Variants in CDH18 observed in about 807,000 individuals in gnomAD.
The protein encoded by CDH18 is cadherin 18, also known as cadherin-18.
A neutral mutation model predicts 67.9 loss-of-function variants in CDH18; 31 were observed. That is an observed-to-expected ratio of 0.46 (90% CI 0.34 to 0.62). The LOEUF (loss-of-function observed/expected upper bound fraction) is 0.62. Ranked by LOEUF, CDH18 falls within the 20% of genes least tolerant of loss-of-function variation. The pLI is 0.01. For synonymous variants in CDH18, 362 were observed against 347.2 expected (o/e 1.04, Z -0.48); for missense variants, 890 against 975.5 (o/e 0.91, Z 1.17).
chr5:19,872,819 C>T (rs1315710832), intron 2 of CDH18, among the ~76,000 whole-genome samples: 1 of 152,104 alleles, frequency 6.6e-6, no homozygotes, highest in Non-Finnish European at 1.5e-5. Flanking sequence ...TTAATATATG[C>T]CCAATCCCTC....
intron 8 of CDH18, among the ~76,000 whole-genome samples, chr5:19,553,237 C>G (rs1376891929): frequency 6.6e-6 from 1 of 152,040 alleles, no homozygotes; most frequent in Non-Finnish European, 1.5e-5. Flanking sequence ...ATTTCAATAA[C>G]AGCTCTTCAG....
intron 2 of CDH18, among the ~76,000 whole-genome samples, chr5:19,965,272 A>G (rs1797314117): frequency 6.6e-6 from 1 of 152,206 alleles, no homozygotes; most frequent in Non-Finnish European, 1.5e-5. Flanking sequence ...CTGGAAATGT[A>G]TAATAAACAT....
chr5:20,113,945 T>G (rs999275373), intron 2 of CDH18, among the ~76,000 whole-genome samples: 1 of 152,236 alleles, frequency 6.6e-6, no homozygotes, highest in Non-Finnish European at 1.5e-5. Flanking sequence ...TTGTGATTCC[T>G]TCATTCTTTA....
At chr5:19,669,432 A>G (rs2150344349) in intron 5 of CDH18, among the ~76,000 whole-genome samples, 1 of 151,848 alleles carries the variant, frequency 6.6e-6, no homozygotes, top group Admixed American at 6.6e-5. Context: ...AGCTGGGATT[A>G]CAGGCACATG....
At chr5:20,390,505 T>C (rs1470683307) in intron 1 of CDH18, among the ~76,000 whole-genome samples, 3 of 152,146 alleles carry the variant, frequency 2.0e-5, no homozygotes, top group Non-Finnish European at 1.5e-5. Flanking sequence ...CTGGAGAGGA[T>C]GTGGAGAAAT....
intron 3 of CDH18, among the ~76,000 whole-genome samples, chr5:19,831,217 T>G (rs964643223): frequency 1.3e-5 from 2 of 152,060 alleles, no homozygotes; most frequent in African/African-American, 2.4e-5. Context: ...GGCAAATAAT[T>G]TATGGCTAAG....
intron 1 of CDH18, among the ~76,000 whole-genome samples, chr5:20,331,920 T>A (rs2150026873): frequency 6.6e-6 from 1 of 152,324 alleles, no homozygotes; most frequent in Middle Eastern, 3.4e-3. Context: ...AAGAGAATAT[T>A]ACAGAGTGTT....
intron 3 of CDH18, among the ~76,000 whole-genome samples, chr5:19,772,650 T>C (rs1773859369): frequency 1.3e-5 from 2 of 152,226 alleles, no homozygotes; most frequent in Non-Finnish European, 2.9e-5. Context: ...AAAACATTAA[T>C]AGTTTTAGTA....
intron 1 of CDH18, chr5:20,304,176 T>C (rs1736203869): frequency 6.5e-7 from 1 of 1,526,892 alleles, no homozygotes; most frequent in Non-Finnish European, 9.1e-7. Flanking sequence ...ACACAGACAA[T>C]AAAAACGTTA....
At chr5:19,678,785 G>A (rs1759856966) in intron 5 of CDH18, among the ~76,000 whole-genome samples, 2 of 151,940 alleles carry the variant, frequency 1.3e-5, no homozygotes, top group African/African-American at 4.8e-5. Flanking sequence ...TGAATTATGA[G>A]TTCTGAAATT....
intron 1 of CDH18, among the ~76,000 whole-genome samples, chr5:20,515,292 A>G (rs1289862021): frequency 1.3e-5 from 2 of 149,906 alleles, no homozygotes; most frequent in African/African-American, 4.9e-5. Flanking sequence ...AAAGGGGGAG[A>G]GAGAAAGAGA....
At chr5:19,561,766 A>G (rs1739497041) in intron 8 of CDH18, among the ~76,000 whole-genome samples, 1 of 152,106 alleles carries the variant, frequency 6.6e-6, no homozygotes, top group Non-Finnish European at 1.5e-5. Flanking sequence ...ATCTTTAGCT[A>G]TGTGCTTTTG....
chr5:19,745,099 A>G (rs1581163293), intron 4 of CDH18, among the ~76,000 whole-genome samples: 2 of 152,134 alleles, frequency 1.3e-5, no homozygotes, highest in Admixed American at 1.3e-4. Context: ...TCTTTTTCCC[A>G]CAATATCCAC....
intron 1 of CDH18, among the ~76,000 whole-genome samples, chr5:20,564,217 G>A (rs563370939): frequency 5.3e-5 from 8 of 151,396 alleles, no homozygotes; most frequent in African/African-American, 1.5e-4. Flanking sequence ...CTCCATAATC[G>A]TTCTTAATCT....
At chr5:20,084,358 G>A (rs2150548606) in intron 2 of CDH18, among the ~76,000 whole-genome samples, 1 of 152,302 alleles carries the variant, frequency 6.6e-6, no homozygotes, top group South Asian at 2.1e-4. Flanking sequence ...ATGGCCTTGG[G>A]CAGCTCCACC....
At chr5:20,215,195 G>C (rs1179833187) in intron 2 of CDH18, among the ~76,000 whole-genome samples, 3 of 151,640 alleles carry the variant, frequency 2.0e-5, no homozygotes, top group East Asian at 1.9e-4. Context: ...TATCAGACTA[G>C]AGCCAATGTA....
chr5:20,480,458 C>T (rs1008283465), intron 1 of CDH18, among the ~76,000 whole-genome samples: 3 of 152,046 alleles, frequency 2.0e-5, no homozygotes, highest in Admixed American at 6.6e-5. Context: ...CACTCTGTTG[C>T]CCAGGCTGGA....
At chr5:19,904,339 G>A (rs1039528411) in intron 2 of CDH18, among the ~76,000 whole-genome samples, 4 of 142,090 alleles carry the variant, frequency 2.8e-5, no homozygotes, top group African/African-American at 7.8e-5. Flanking sequence ...GAGAGAGAAG[G>A]GAGGGAGGGA....
intron 2 of CDH18, among the ~76,000 whole-genome samples, chr5:20,043,173 C>T (rs2150476437): frequency 6.6e-6 from 1 of 152,144 alleles, no homozygotes; most frequent in African/African-American, 2.4e-5. Context: ...AATGTCATGA[C>T]TATCAGTAAT....
Sources: gnomAD v4.1 joint callset for allele counts (sites outside exome capture counted in the v4.1 genomes callset) on GRCh38, gnomAD v4.1.1 for gene constraint, MANE v1.5 for transcripts, NCBI Gene and HGNC (gene_info 2026-07-23, HGNC 2026-07-21) for gene names.